OGDH: variants seen among roughly 807,000 people sequenced by gnomAD.
The protein encoded by OGDH is oxoglutarate dehydrogenase.
OGDH carries 38 observed loss-of-function variants against 116.6 expected under a neutral mutation model. The ratio of observed to expected loss-of-function variants is 0.33; its 90% CI spans 0.25 to 0.43. OGDH has a LOEUF of 0.43. OGDH is among the 20% of genes least tolerant of loss of function. OGDH has a pLI of 1.00. For synonymous variants in OGDH, 488 were observed against 533.3 expected, an observed-to-expected ratio of 0.92 and a Z score of 1.17; for missense variants, 825 against 1,357.2, an observed-to-expected ratio of 0.61 and a Z score of 6.16.
chr7:44,678,301 G>A (rs996589985), intron 9 of OGDH, among the ~76,000 whole-genome samples: 5 of 152,116 alleles, frequency 3.3e-5, no homozygotes, highest in African/African-American at 7.2e-5. Context: ...TAGGACACTC[G>A]CCCAGGCATT....
intron 12 of OGDH, among the ~76,000 whole-genome samples, chr7:44,695,082 A>C (rs994922920): frequency 1.3e-5 from 2 of 150,954 alleles, no homozygotes; most frequent in African/African-American, 4.9e-5. Context: ...AGCTTTGTGA[A>C]CCAGTTTTTT....
At position 44,707,986 on chromosome 7, in the gene OGDH, A is replaced by G. The variant is rs1206791828; in HGVS notation, c.3059A>G (p.Lys1020Arg). The change falls in exon 23 of 23, where the codon AAG (lysine) becomes AGG (arginine). Residue 1020 changes from lysine to arginine, a missense_variant. By Grantham distance (26) the Lys-to-Arg change is conservative (BLOSUM62 2). Transcript: ENST00000222673. The surrounding 1 kb of genome is among the most constrained non-coding windows in gnomAD (Gnocchi z 5.2). ...LDTAFDLDVF[K>R]NFS ...ACGGCCTTCGACCTGGACGTCTTCA[A>G]GAACTTCTCGTAGATGCTGCCTAGG... 1 of 1,613,360 alleles carries G rather than the reference A, an allele frequency of 6.2e-7. No homozygotes were observed. The highest frequency in any genetic ancestry group is 8.5e-7 in the Non-Finnish European group (1 of 1,179,956).
chr7:44,685,444 A>T (rs1404862038), intron 10 of OGDH, among the ~76,000 whole-genome samples: 2 of 152,208 alleles, frequency 1.3e-5, no homozygotes. Flanking sequence ...CATGTGTTAG[A>T]GTTTCCTACC....
chr7:44,608,395 G>A (rs1368991204), intron 1 of OGDH, among the ~76,000 whole-genome samples: 1 of 138,318 alleles, frequency 7.2e-6, no homozygotes, highest in Non-Finnish European at 1.7e-5. Context: ...GTGACACAGT[G>A]AGATCCTGTC....
rs1788637316 is a variant in OGDH at position 44,697,505 on chromosome 7, C to T, written c.2179+8C>T. ...CTGAGTACGGCGTGCTGGGTGAGTG[C>T]CTGGAGCCACACCACCAGGGCCTGT... is the stretch of plus-strand genomic sequence containing the variant. On this transcript the variant is annotated splice_region_variant and intron_variant, in intron 16 of 22. Transcript: ENST00000222673. The surrounding 1 kb of genome is among the most constrained non-coding windows in gnomAD (Gnocchi z 6.0). 1 of 1,613,868 alleles carries T rather than the reference C, an allele frequency of 6.2e-7. No individual in the cohort carries two copies. The highest frequency in any genetic ancestry group is 8.5e-7 in the Non-Finnish European group (1 of 1,179,876).
intron 1 of OGDH, among the ~76,000 whole-genome samples, chr7:44,615,212 A>T (rs1784724135): frequency 6.6e-6 from 1 of 152,076 alleles, no homozygotes; most frequent in South Asian, 2.1e-4. Context: ...TGGACTCTTG[A>T]TCTTGTTTAA....
In OGDH at chr7:44,708,194, G is replaced by C. The variant is rs983986738; in HGVS notation, c.*195G>C. 1 of 703,768 alleles carries C rather than the reference G, an allele frequency of 1.4e-6. No individual in the cohort carries two copies. Among genetic ancestry groups the C allele is most frequent in the Non-Finnish European group, 2.3e-6 (1 of 443,670 alleles). The allele number at this position is 703,768 out of a possible 1,614,324, so 43.6% of individuals were successfully genotyped here. ...TTGGCTGCCCCACAGGCCACACGCT[G>C]CCCAGGCTCTGCTGACTTCTGAGCA... On this transcript the variant is annotated 3_prime_UTR_variant, in exon 23 of 23. Coordinates refer to ENST00000222673, the MANE Select transcript of OGDH (RefSeq NM_002541.4).
chr7:44,648,783 A>T (rs944126617), intron 4 of OGDH, among the ~76,000 whole-genome samples: 6 of 152,146 alleles, frequency 3.9e-5, no homozygotes, highest in Non-Finnish European at 8.8e-5. Flanking sequence ...TGTTTTTTTA[A>T]TACCAGCCCT....
At chr7:44,659,338 T>A (rs1024171279) in intron 4 of OGDH, among the ~76,000 whole-genome samples, 3 of 152,236 alleles carry the variant, frequency 2.0e-5, no homozygotes, top group Non-Finnish European at 4.4e-5. Context: ...TCCATATTGA[T>A]GAGGGATATT....
At chr7:44,683,139 ACT>A (rs757029259) in intron 10 of OGDH, among the ~76,000 whole-genome samples, 14 of 152,122 alleles carry the variant, frequency 9.2e-5, no homozygotes, top group Non-Finnish European at 1.8e-4. Context: ...ACAGAGCAAG[ACT>A]CTGTCTCAAA....
intron 10 of OGDH, among the ~76,000 whole-genome samples, chr7:44,692,696 A>C (rs958211472): frequency 6.6e-6 from 1 of 152,188 alleles, no homozygotes; most frequent in Non-Finnish European, 1.5e-5. Context: ...TATATCATTA[A>C]ATTTTGGTAC....
In OGDH at chr7:44,708,715, CG is replaced by C. The variant is rs1789195937; in HGVS notation, c.*717del. On this transcript the variant is annotated 3_prime_UTR_variant, in exon 23 of 23. Transcript: ENST00000222673. ...GAGTCTGTGTGTAGCCAGGAAGCCCCGCTCAGGTAGCCACCACCGGGGCACT... is the reference window on the plus strand; with the variant it reads ...GAGTCTGTGTGTAGCCAGGAAGCCCCCTCAGGTAGCCACCACCGGGGCACT... 6.6e-6 allele frequency: 1 copy of C among 152,260 alleles called. No individual in the cohort carries two copies. Among genetic ancestry groups the C allele is most frequent in the African/African-American group, 2.4e-5 (1 of 41,468 alleles). The allele number at this position is 152,260 out of a possible 1,614,324, so 9.4% of individuals were successfully genotyped here. A position where few individuals can be genotyped will look rare whatever the true frequency, so the allele number is the denominator to read the frequency against.
At chr7:44,625,905 C>G (rs1448805835) in intron 2 of OGDH, among the ~76,000 whole-genome samples, 1 of 151,976 alleles carries the variant, frequency 6.6e-6, no homozygotes. Context: ...CCCAGGAATT[C>G]GAGGTTACAG....
chr7:44,679,181 G>A (rs1041817207), intron 9 of OGDH, among the ~76,000 whole-genome samples: 3 of 152,210 alleles, frequency 2.0e-5, no homozygotes, highest in Non-Finnish European at 4.4e-5. Flanking sequence ...ATGACAAGAG[G>A]AAGACTGACT....
intron 5 of OGDH, among the ~76,000 whole-genome samples, chr7:44,668,943 C>T (rs1035104416): frequency 4.6e-5 from 7 of 152,074 alleles, no homozygotes; most frequent in Middle Eastern, 3.2e-3. Context: ...CTTGTGTTGC[C>T]TGGACCCCCC....
chr7:44,697,475 A>G lies in OGDH; in HGVS notation c.2157A>G (p.Ser719=). ...NQAPYTVCNS[S]LSEYGVLGFE... Reference sequence around the variant, plus strand: ...CCCCCTATACTGTGTGCAACAGCTCACTGTCTGAGTACGGCGTGCTGGGTG... The same window carrying G: ...CCCCCTATACTGTGTGCAACAGCTCGCTGTCTGAGTACGGCGTGCTGGGTG... The change falls in exon 16 of 23, where the codon TCA becomes TCG. Residue 719 remains serine (S), a synonymous_variant. Coordinates refer to ENST00000222673, the MANE Select transcript of OGDH (RefSeq NM_002541.4). The surrounding 1 kb of genome is among the most constrained non-coding windows in gnomAD (Gnocchi z 6.0). 6.2e-7 allele frequency: 1 copy of G among 1,614,108 alleles called. No individual in the cohort carries two copies. Among genetic ancestry groups the G allele is most frequent in the South Asian group, 1.1e-5 (1 of 91,082 alleles).
In OGDH at chr7:44,697,069, C is replaced by T. The variant is rs775258375; in HGVS notation, c.2051+5C>T. The stretch of plus-strand genomic sequence containing the variant: ...CGTGGAGCGGGGCACATTCAGGTAA[C>T]GTTCTGGGCAGTTTTGTTTGCCCTC... On this transcript the variant is annotated splice_donor_5th_base_variant and intron_variant, in intron 15 of 22. Transcript: ENST00000222673. The surrounding 1 kb of genome is among the most constrained non-coding windows in gnomAD (Gnocchi z 6.0). The T allele has an allele frequency of 3.7e-6, 6 of 1,608,924 alleles. No individual in the cohort carries two copies. In the East Asian group the frequency reaches 6.7e-5, roughly 18 times the overall value.
chr7:44,647,641 C>A lies in OGDH; in HGVS notation c.415-16C>A. ...TTTTGTGTGTGTCCTTCCCTCTCAT[C>A]GTTGGCCACTCATAGATACGAGGGC... On this transcript the variant is annotated splice_polypyrimidine_tract_variant and intron_variant, in intron 3 of 22. Transcript: ENST00000222673. The A allele has an allele frequency of 1.2e-6, 2 of 1,606,108 alleles. No individual in the cohort carries two copies. The highest frequency in any genetic ancestry group is 1.7e-6 in the Non-Finnish European group (2 of 1,173,080).
At position 44,694,510 on chromosome 7, in the gene OGDH, G is replaced by A. The variant is rs777364917; in HGVS notation, c.1602G>A (p.Lys534=). The A allele has an allele frequency of 1.2e-6, 2 of 1,613,940 alleles. No homozygotes were observed. The highest frequency in any genetic ancestry group is 1.3e-5 in the African/African-American group (1 of 74,874). The change falls in exon 12 of 23, where the codon AAG becomes AAA. Residue 534 remains lysine, a synonymous_variant. Transcript: ENST00000222673. The surrounding 1 kb of genome is among the most constrained non-coding windows in gnomAD (Gnocchi z 4.2). ...PLMYKQIRKQ[K]PVLQKYAELL... is the part of the protein sequence containing the mutation. ...TGTACAAGCAGATCCGCAAGCAGAAGCCTGTGTTACAGAAGTACGCTGAGC... is the reference window on the plus strand; with the variant it reads ...TGTACAAGCAGATCCGCAAGCAGAAACCTGTGTTACAGAAGTACGCTGAGC...
Sources: gnomAD v4.1 joint callset for allele counts (sites outside exome capture counted in the v4.1 genomes callset) on GRCh38, gnomAD v4.1.1 for gene constraint, Gnocchi (gnomAD v3.1) non-coding constraint, MANE v1.5 for transcripts, NCBI Gene and HGNC (gene_info 2026-07-23, HGNC 2026-07-21) for gene names.